EVI5: variants seen among roughly 807,000 people sequenced by gnomAD.
The protein encoded by EVI5 is ecotropic viral integration site 5 protein homolog.
Under a neutral mutation model 112.0 loss-of-function variants are expected in EVI5, and 73 were observed. The ratio of observed to expected loss-of-function variants is 0.65; its 90% CI spans 0.54 to 0.79. The LOEUF is 0.79. EVI5 is among the 30% of genes least tolerant of loss of function. EVI5 has a pLI of 0.00. For synonymous variants in EVI5, 305 were observed against 319.9 expected (o/e 0.95, Z 0.50); for missense variants, 900 against 968.8 (o/e 0.93, Z 0.94).
At chr1:92,781,189 T>C (rs948387930) in intron 1 of EVI5, among the ~76,000 whole-genome samples, 6 of 152,100 alleles carry the variant, frequency 3.9e-5, no homozygotes, top group African/African-American at 9.7e-5. Flanking sequence ...ATCAAGAATT[T>C]ACTCTAAATT....
chr1:92,614,853 T>G (rs1652699354), intron 16 of EVI5, among the ~76,000 whole-genome samples: 3 of 6,334 alleles, frequency 4.7e-4, no homozygotes, highest in East Asian at 0.042. Flanking sequence ...TATATATATA[T>G]ATATATATAT....
chr1:92,652,591 A>G (rs2102064170), intron 13 of EVI5, among the ~76,000 whole-genome samples: 1 of 152,342 alleles, frequency 6.6e-6, no homozygotes, highest in East Asian at 1.9e-4. Flanking sequence ...CTGTACTCCC[A>G]CATTTATTGC....
intron 9 of EVI5, among the ~76,000 whole-genome samples, chr1:92,690,330 G>A (rs1669279772): frequency 7.1e-6 from 1 of 141,840 alleles, no homozygotes; most frequent in African/African-American, 2.6e-5. Context: ...AATTTAACAT[G>A]AAAAGTATCC....
chr1:92,684,111 A>C (rs1668080037), intron 9 of EVI5, among the ~76,000 whole-genome samples: 1 of 152,208 alleles, frequency 6.6e-6, no homozygotes, highest in Non-Finnish European at 1.5e-5. Context: ...CAGATTCACC[A>C]AGGTTGAAAT....
At chr1:92,670,922 T>G (rs190670035) in intron 10 of EVI5, among the ~76,000 whole-genome samples, 4 of 152,306 alleles carry the variant, frequency 2.6e-5, no homozygotes, top group Admixed American at 2.6e-4. Flanking sequence ...TCTCCTAACT[T>G]CGCACTAAAT....
intron 18 of EVI5, chr1:92,580,639 G>GA: frequency 1.8e-5 from 1 of 56,806 alleles, no homozygotes; most frequent in Non-Finnish European, 3.6e-5. Flanking sequence ...TGAATTTTGT[G>GA]TTTTATCTTG....
chr1:92,587,993 T>C (rs920453250), intron 18 of EVI5, among the ~76,000 whole-genome samples: 1 of 152,194 alleles, frequency 6.6e-6, no homozygotes, highest in Admixed American at 6.5e-5. Context: ...GAGGAAAAAA[T>C]TGACTTTTCT....
At chr1:92,726,102 C>T (rs1192005598) in intron 2 of EVI5, among the ~76,000 whole-genome samples, 2 of 152,136 alleles carry the variant, frequency 1.3e-5, no homozygotes, top group Non-Finnish European at 2.9e-5. Context: ...TATGTGTGTA[C>T]TTAGAGTCTC....
chr1:92,706,655 C>A (rs1459675311), intron 2 of EVI5, among the ~76,000 whole-genome samples: 1 of 152,096 alleles, frequency 6.6e-6, no homozygotes, highest in Non-Finnish European at 1.5e-5. Context: ...AGGATAGGCA[C>A]AAATATCAAG....
At chr1:92,762,325 C>T (rs1251721525) in intron 1 of EVI5, among the ~76,000 whole-genome samples, 1 of 152,196 alleles carries the variant, frequency 6.6e-6, no homozygotes, top group Non-Finnish European at 1.5e-5. Context: ...CCATCATTTA[C>T]TATATGCTTT....
chr1:92,741,371 T>C (rs1032572752), intron 1 of EVI5, among the ~76,000 whole-genome samples: 5 of 152,170 alleles, frequency 3.3e-5, no homozygotes, highest in African/African-American at 1.2e-4. Context: ...TATAGTAAGT[T>C]GAGGAGTATC....
At chr1:92,723,585 G>A (rs748986117) in intron 2 of EVI5, among the ~76,000 whole-genome samples, 4 of 151,834 alleles carry the variant, frequency 2.6e-5, no homozygotes, top group African/African-American at 4.8e-5. Context: ...TGTTATCTTC[G>A]TAAACTGAGA....
intron 2 of EVI5, among the ~76,000 whole-genome samples, chr1:92,705,758 C>T (rs540513402): frequency 6.6e-6 from 1 of 152,288 alleles, no homozygotes; most frequent in African/African-American, 2.4e-5. Context: ...CTACTCACTT[C>T]CAGTAATTCT....
intron 2 of EVI5, among the ~76,000 whole-genome samples, chr1:92,706,333 G>GA (rs1671961107): frequency 6.6e-6 from 1 of 152,012 alleles, no homozygotes; most frequent in Non-Finnish European, 1.5e-5. Flanking sequence ...ATATCTTATG[G>GA]AAAAATTAGT....
chr1:92,693,956 T>C, intron 8 of EVI5, 57 bp from the exon 9 acceptor site: 1 of 1,053,278 alleles, frequency 9.5e-7, no homozygotes, highest in Non-Finnish European at 1.4e-6. Context: ...AATAGTGAAA[T>C]CCAAAGACAT....
chr1:92,560,348 T>C (rs1005098325), intron 19 of EVI5, among the ~76,000 whole-genome samples: 1 of 152,150 alleles, frequency 6.6e-6, no homozygotes, highest in Non-Finnish European at 1.5e-5. Flanking sequence ...AAAGTTAAAC[T>C]ACTGTATTAG....
At chr1:92,781,561 G>C (rs932729597) in intron 1 of EVI5, among the ~76,000 whole-genome samples, 1 of 151,848 alleles carries the variant, frequency 6.6e-6, no homozygotes, top group Non-Finnish European at 1.5e-5. Flanking sequence ...AGAAAAATAT[G>C]TTCATATTCT....
At chr1:92,595,253 A>G (rs1025109776) in intron 18 of EVI5, among the ~76,000 whole-genome samples, 127 of 151,884 alleles carry the variant, frequency 8.4e-4, no homozygotes, top group Non-Finnish European at 1.7e-3. Flanking sequence ...GGATGAGTTC[A>G]TGTCCTTTGT....
chr1:92,603,670 T>A (rs1483087838), intron 18 of EVI5, among the ~76,000 whole-genome samples: 1 of 143,854 alleles, frequency 7.0e-6, no homozygotes, highest in Admixed American at 7.0e-5. Context: ...TGTACAGGTG[T>A]ATAAAATTTT....
Sources: gnomAD v4.1 joint callset for allele counts (sites outside exome capture counted in the v4.1 genomes callset) on GRCh38, gnomAD v4.1.1 for gene constraint, MANE v1.5 for transcripts, NCBI Gene and HGNC (gene_info 2026-07-23, HGNC 2026-07-21) for gene names.